ZNF707: variants seen among roughly 807,000 people sequenced by gnomAD.
The protein encoded by ZNF707 is zinc finger protein 707.
A neutral mutation model predicts 13.3 loss-of-function variants in ZNF707; 8 were observed. That is an observed-to-expected ratio of 0.60 (90% CI 0.35 to 1.09). The LOEUF (loss-of-function observed/expected upper bound fraction) is 1.09. Ranked by LOEUF, ZNF707 falls within the 50% of genes least tolerant of loss-of-function variation. The pLI, the probability that ZNF707 is intolerant of heterozygous loss-of-function variation, is 0.02. For synonymous variants in ZNF707, 225 were observed against 205.6 expected, an observed-to-expected ratio of 1.09 and a Z score of -0.81; for missense variants, 530 against 512.6, an observed-to-expected ratio of 1.03 and a Z score of -0.33.
In ZNF707 at chr8:143,693,991, G is replaced by T. The variant is rs1321122624; in HGVS notation, c.577G>T (p.Ala193Ser). 1 of 1,603,066 alleles carries T rather than the reference G, an allele frequency of 6.2e-7. No individual in the cohort carries two copies. The highest frequency in any genetic ancestry group is 1.1e-5 in the South Asian group (1 of 89,960). The change falls in exon 6 of 6, where the codon GCT becomes TCT. Residue 193 changes from alanine (A) to serine (S), a missense_variant. Physicochemically the swap from Ala to Ser is moderately conservative, Grantham distance 99 (BLOSUM62 1). Transcript: ENST00000358656. This position sits in a 1 kb window ranked among gnomAD's most constrained non-coding sequence, Gnocchi z 4.1. ...KALSCHSRLL[A>S]HQTVHTGTKA... is the part of the protein sequence containing the mutation. ...GCTCAGCTGCCACAGCCGGCTGCTCGCTCACCAGACGGTGCACACGGGAAC... is the reference window on the plus strand; with the variant it reads ...GCTCAGCTGCCACAGCCGGCTGCTCTCTCACCAGACGGTGCACACGGGAAC...
Position 143,693,023 on chromosome 8 carries a change from A to C in ZNF707, c.257-648A>C, listed in dbSNP as rs1816976281. ...ATGAGTGGGGCCTGCTGGCGTGGACAGGGTGAAAGGACATTCTCTTGGCCC... is the reference window on the plus strand; with the variant it reads ...ATGAGTGGGGCCTGCTGGCGTGGACCGGGTGAAAGGACATTCTCTTGGCCC... On this transcript the variant is annotated intron_variant, in intron 5 of 5. Coordinates refer to ENST00000358656, the MANE Select transcript of ZNF707 (RefSeq NM_001100598.2). This position sits in a 1 kb window ranked among gnomAD's most constrained non-coding sequence, Gnocchi z 4.1. Among the ~76,000 whole-genome samples the C allele has an allele frequency of 6.6e-6, 1 of 152,140 alleles. No individual in the cohort carries two copies. Among genetic ancestry groups the C allele is most frequent in the Admixed American group, 6.5e-5 (1 of 15,282 alleles).
rs782258693 is a variant in ZNF707, at chr8:143,694,191, C to T, written c.777C>T (p.Pro259=). 4 of 1,575,548 alleles carry T rather than the reference C, an allele frequency of 2.5e-6. No individual in the cohort carries two copies. The African/African-American group carries it at 4.0e-5, about 16-fold the overall frequency. The change falls in exon 6 of 6, where the codon CCC becomes CCT. Residue 259 remains proline, a synonymous_variant. Coordinates refer to ENST00000358656, the MANE Select transcript of ZNF707 (RefSeq NM_001100598.2). The surrounding 1 kb of genome is among the most constrained non-coding windows in gnomAD (Gnocchi z 4.4). ...QHRKVHTEHR[P]YSCGDCGKAF... ...GCAAGGTCCACACCGAGCACAGGCCCTACTCGTGTGGCGACTGTGGGAAAG... is the reference window on the plus strand; with the variant it reads ...GCAAGGTCCACACCGAGCACAGGCCTTACTCGTGTGGCGACTGTGGGAAAG...
At position 143,694,345 on chromosome 8, in the gene ZNF707, A is replaced by T; in HGVS notation, c.931A>T (p.Ser311Cys). The T allele has an allele frequency of 6.2e-7, 1 of 1,609,042 alleles. No homozygotes were observed. Among genetic ancestry groups the T allele is most frequent in the Non-Finnish European group, 8.5e-7 (1 of 1,177,106 alleles). Residue 311 changes from serine (S) to cysteine (C), a missense_variant, in exon 6 of 6, where the codon AGC becomes TGC. Coordinates refer to ENST00000358656, the MANE Select transcript of ZNF707 (RefSeq NM_001100598.2). The surrounding 1 kb of genome is among the most constrained non-coding windows in gnomAD (Gnocchi z 4.4). ...ENLSHHQRVH[S>C]GEKPYTCAEC... ...CCTCAGCCACCACCAGAGGGTCCAC[A>T]GCGGGGAGAAGCCCTACACCTGTGC...
intron 2 of ZNF707, 149 bp from the exon 3 acceptor site, chr8:143,689,908 G>T: frequency 1.6e-6 from 1 of 619,210 alleles, no homozygotes. Context: ...ACACCTGGTG[G>T]CTGTCAGTAG....
chr8:143,692,188 G>C (rs1260391231), intron 5 of ZNF707: 3 of 1,293,790 alleles, frequency 2.3e-6, no homozygotes, highest in African/African-American at 1.5e-5. Context: ...TCCATTAGGT[G>C]AGGGTTGCTC....
At chr8:143,690,386 A>C in intron 3 of ZNF707, 2 of 492,336 alleles carry the variant, frequency 4.1e-6, no homozygotes, top group Non-Finnish European at 7.2e-6. Flanking sequence ...CCTGGCTAAC[A>C]CGGTGAAACC....
rs782331818 is a variant in ZNF707, at chr8:143,691,061, T to C, written c.16-12T>C. On this transcript the variant is annotated splice_polypyrimidine_tract_variant and intron_variant, in intron 3 of 5. Coordinates refer to ENST00000358656, the MANE Select transcript of ZNF707 (RefSeq NM_001100598.2). ...TTGGGAATGGCCTCTTCGGGAGCTGTGTGTGTTGCAGGAGCCAGTGACCTT... is the reference window on the plus strand; with the variant it reads ...TTGGGAATGGCCTCTTCGGGAGCTGCGTGTGTTGCAGGAGCCAGTGACCTT... 3 of 1,613,672 alleles carry C rather than the reference T, an allele frequency of 1.9e-6. No homozygotes were observed. Among genetic ancestry groups the C allele is most frequent in the Non-Finnish European group, 2.5e-6 (3 of 1,179,756 alleles).
intron 1 of ZNF707, chr8:143,684,837 C>A (rs1816109920): frequency 6.6e-6 from 1 of 152,386 alleles, no homozygotes; most frequent in African/African-American, 2.4e-5. Flanking sequence ...CCTTAGTTAT[C>A]CCTCATAGAC....
chr8:143,690,105 T>A lies in ZNF707; in HGVS notation c.-4T>A. ...TTCCCCAGAGGGGTGGCCTCGCTGTTCCCATGGACATGGCCCAGGTGAGCC... is the reference window on the plus strand; with the variant it reads ...TTCCCCAGAGGGGTGGCCTCGCTGTACCCATGGACATGGCCCAGGTGAGCC... On this transcript the variant is annotated 5_prime_UTR_variant, in exon 3 of 6. Coordinates refer to ENST00000358656, the MANE Select transcript of ZNF707 (RefSeq NM_001100598.2). 6.2e-7 allele frequency: 1 copy of A among 1,608,286 alleles called. No homozygotes were observed. The highest frequency in any genetic ancestry group is 8.5e-7 in the Non-Finnish European group (1 of 1,179,714).
In ZNF707 at chr8:143,694,555, C is replaced by A; in HGVS notation, c.*25C>A. 2 of 1,561,314 alleles carry A rather than the reference C, an allele frequency of 1.3e-6. No homozygotes were observed. The highest frequency in any genetic ancestry group is 1.2e-5 in the South Asian group (1 of 84,754). ...GGGGCGCCCGAAGAGTGGGGTGCTG[C>A]GCCTCTGCGGGAGTACTGGGTCCTG... On this transcript the variant is annotated 3_prime_UTR_variant, in exon 6 of 6. Transcript: ENST00000358656. This position sits in a 1 kb window ranked among gnomAD's most constrained non-coding sequence, Gnocchi z 4.4.
At chr8:143,686,554 TTC>T (rs1816289721) in intron 1 of ZNF707, among the ~76,000 whole-genome samples, 1 of 152,234 alleles carries the variant, frequency 6.6e-6, no homozygotes, top group Non-Finnish European at 1.5e-5. Context: ...TAAATTTTAT[TTC>T]TCTTTTTTAT....
chr8:143,693,587 G>A lies in ZNF707; in HGVS notation c.257-84G>A, dbSNP rs782788812. 2.4e-5 allele frequency: 34 copies of A among 1,431,650 alleles called. No homozygotes were observed. Among genetic ancestry groups the A allele is most frequent in the Admixed American group, 8.8e-5 (3 of 34,024 alleles). 88.7% of individuals were successfully genotyped at this position (1,431,650 alleles called of 1,614,324 possible). A position where few individuals can be genotyped will look rare whatever the true frequency, so the allele number is the denominator to read the frequency against. Reference sequence around the variant, plus strand: ...TGGGATTACAGGCGTGAGCCACCGCGCCCGGCCTCCTCTGGGCTTTGCTGG... The same window carrying A: ...TGGGATTACAGGCGTGAGCCACCGCACCCGGCCTCCTCTGGGCTTTGCTGG... On this transcript the variant is annotated intron_variant, in intron 5 of 5. Coordinates refer to ENST00000358656, the MANE Select transcript of ZNF707 (RefSeq NM_001100598.2). The surrounding 1 kb of genome is among the most constrained non-coding windows in gnomAD (Gnocchi z 4.1).
chr8:143,686,261 G>A (rs1425394955), intron 1 of ZNF707, among the ~76,000 whole-genome samples: 1 of 151,548 alleles, frequency 6.6e-6, no homozygotes, highest in African/African-American at 2.4e-5. Context: ...TAGTAGAGAT[G>A]GGGTTTCACC....
intron 1 of ZNF707, among the ~76,000 whole-genome samples, chr8:143,687,773 C>T (rs1201197283): frequency 3.9e-5 from 6 of 152,212 alleles, no homozygotes; most frequent in African/African-American, 1.4e-4. Flanking sequence ...GAAAGAGCTC[C>T]GTAGTGGCCC....
In ZNF707 at chr8:143,694,621, A is replaced by G. The variant is rs1817176337; in HGVS notation, c.*91A>G. The G allele has an allele frequency of 3.4e-5, 47 of 1,378,698 alleles. No homozygotes were observed. In the South Asian group the frequency reaches 6.7e-4, roughly 20 times the overall value. 85.4% of individuals were successfully genotyped at this position (1,378,698 alleles called of 1,614,324 possible). On this transcript the variant is annotated 3_prime_UTR_variant, in exon 6 of 6. Transcript: ENST00000358656. This position sits in a 1 kb window ranked among gnomAD's most constrained non-coding sequence, Gnocchi z 4.4. ...GAGAAGTTGCTCTTCAGCCTGGAAA[A>G]TCAACCTGAATTCAGAGAAGCCTTC...
chr8:143,691,992 T>G (rs868956431), intron 5 of ZNF707: 2 of 1,450,192 alleles, frequency 1.4e-6, no homozygotes, highest in Middle Eastern at 1.8e-4. Context: ...ACTTGAAGCC[T>G]GCACCTAGCC....
Position 143,693,874 on chromosome 8 carries a change from A to G in ZNF707, c.460A>G (p.Thr154Ala). Residue 154 changes from threonine to alanine, a missense_variant, in exon 6 of 6, where the codon ACG becomes GCG. Thr to Ala is a moderately conservative substitution (Grantham distance 58). Coordinates refer to ENST00000358656, the MANE Select transcript of ZNF707 (RefSeq NM_001100598.2). This position sits in a 1 kb window ranked among gnomAD's most constrained non-coding sequence, Gnocchi z 4.1. ...KPTAFPCQVLTQRCGRRPGRR... is the reference protein window; with the variant it reads ...KPTAFPCQVLAQRCGRRPGRR... ...CACGGCTTTCCCGTGTCAGGTGCTCACGCAGCGTTGTGGGCGGCGGCCGGG... is the reference window on the plus strand; with the variant it reads ...CACGGCTTTCCCGTGTCAGGTGCTCGCGCAGCGTTGTGGGCGGCGGCCGGG... 1 of 1,609,028 alleles carries G rather than the reference A, an allele frequency of 6.2e-7. No individual in the cohort carries two copies. Among genetic ancestry groups the G allele is most frequent in the Non-Finnish European group, 8.5e-7 (1 of 1,177,460 alleles).
chr8:143,685,343 T>G (rs1183623941), intron 1 of ZNF707, among the ~76,000 whole-genome samples: 1 of 152,032 alleles, frequency 6.6e-6, no homozygotes, highest in Non-Finnish European at 1.5e-5. Flanking sequence ...GGTCAGCATG[T>G]TGAAACCTTG....
rs1171531797 is a variant in ZNF707 at position 143,690,073 on chromosome 8, A to T, written c.-36A>T. ...TCTCCCCAGATCTGCCCTCCTTGGC[A>T]CTGTGCTTCCCCAGAGGGGTGGCCT... On this transcript the variant is annotated 5_prime_UTR_variant, in exon 3 of 6. Transcript: ENST00000358656. The T allele has an allele frequency of 1.9e-6, 3 of 1,609,096 alleles. No individual in the cohort carries two copies. The African/African-American group carries it at 4.0e-5, about 21-fold the overall frequency.
Sources: allele counts gnomAD v4.1 joint callset (sites outside exome capture counted in the v4.1 genomes callset), GRCh38; gene constraint gnomAD v4.1.1; non-coding constraint Gnocchi (gnomAD v3.1); transcripts MANE v1.5; gene names NCBI Gene and HGNC (gene_info 2026-07-23, HGNC 2026-07-21).